The following NOL12 variants were observed in gnomAD, a reference collection of about 807,000 sequenced individuals.
NOL12 encodes nucleolar protein 12.
A neutral mutation model predicts 25.2 loss-of-function variants in NOL12; 21 were observed. That is an observed-to-expected ratio of 0.83 (90% CI 0.59 to 1.20). The LOEUF (loss-of-function observed/expected upper bound fraction) is 1.20, where lower values mean the gene tolerates loss of function less well. Ranked by LOEUF, NOL12 falls within the 50% of genes most tolerant of loss-of-function variation. The pLI, the probability that NOL12 is intolerant of heterozygous loss-of-function variation, is 0.00. For missense variants in NOL12, 286 were observed against 287.6 expected (o/e 0.99, Z 0.04); for synonymous variants, 133 against 113.8 (o/e 1.17, Z -1.08).
chr22:37,686,398 C>A lies in NOL12; in HGVS notation c.6C>A (p.Gly2=). The change falls in exon 1 of 6, where the codon GGC becomes GGA. Residue 2 remains glycine (G), a synonymous_variant. Coordinates refer to ENST00000359114, the MANE Select transcript of NOL12 (RefSeq NM_024313.3). M[G]RNKKKKRDGD... ...AAGCCGGCGGCCTCACTGCTATGGG[C>A]CGCAACAAGAAGAAGAAGCGAGATG... The A allele has an allele frequency of 7.5e-6, 12 of 1,603,254 alleles. No individual in the cohort carries two copies. Among genetic ancestry groups the A allele is most frequent in the Non-Finnish European group, 1.0e-5 (12 of 1,176,232 alleles).
intron 1 of NOL12, chr22:37,686,876 G>T (rs1307333205): frequency 2.0e-6 from 2 of 985,362 alleles, no homozygotes; most frequent in African/African-American, 3.5e-5. Flanking sequence ...CCTTTGGTGT[G>T]CCAGGTCCCG....
rs192663816 is a variant in NOL12, at chr22:37,690,828, C to G, written c.479+34C>G. 3,242 of 1,512,520 alleles carry G rather than the reference C, an allele frequency of 2.1e-3. 4 individuals are homozygous for G. The highest frequency in any genetic ancestry group is 2.7e-3 in the Non-Finnish European group (2,994 of 1,091,316). 93.7% of individuals were successfully genotyped at this position (1,512,520 alleles called of 1,614,324 possible). On this transcript the variant is annotated intron_variant, in intron 5 of 5. Transcript: ENST00000359114. The stretch of plus-strand genomic sequence containing the variant: ...TGGCCTGCTGCCTCCCCGGTCCCAC[C>G]CCTCCTGGCTGGCAGTAGTGACCTG...
intron 1 of NOL12, among the ~76,000 whole-genome samples, chr22:37,687,526 C>G (rs894274617): frequency 3.3e-5 from 5 of 152,078 alleles, no homozygotes; most frequent in Admixed American, 2.0e-4. Flanking sequence ...GGCATGATCT[C>G]GGCTCACTGC....
chr22:37,692,920 C>T lies in NOL12; in HGVS notation c.*1584C>T. On this transcript the variant is annotated 3_prime_UTR_variant, in exon 6 of 6. Transcript: ENST00000359114. ...GCTGGTGGGAGTCTGAGGGCTGCAC[C>T]CGGGTATGGTGAGTTCCCCTCAGGG... is the stretch of plus-strand genomic sequence containing the variant. The T allele has an allele frequency of 2.6e-6, 1 of 390,968 alleles. No homozygotes were observed. Among genetic ancestry groups the T allele is most frequent in the Non-Finnish European group, 4.5e-6 (1 of 221,532 alleles). 24.2% of individuals were successfully genotyped at this position (390,968 alleles called of 1,614,324 possible).
At position 37,687,910 on chromosome 22, in the gene NOL12, G is replaced by T; in HGVS notation, c.84G>T (p.Arg28=). 2 of 1,568,994 alleles carry T rather than the reference G, an allele frequency of 1.3e-6. No homozygotes were observed. Among genetic ancestry groups the T allele is most frequent in the Non-Finnish European group, 1.7e-6 (2 of 1,157,058 alleles). The part of the protein sequence containing the change: ...LVLSFDEEKR[R]EYLTGFHKRK... ...GTCTCTGCCGGCTTCCTTCCTGTAG[G>T]GAGTACCTGACAGGCTTCCACAAGC... Residue 28 remains arginine (R), a splice_region_variant and synonymous_variant, in exon 2 of 6, where the codon CGG becomes CGT. Transcript: ENST00000359114.
In NOL12 at chr22:37,688,024, G is replaced by T. The variant is rs773325889; in HGVS notation, c.189+9G>T. ...GGAAGCTTCGGGAGGAGGTACGCAG[G>T]GGGAAGGTGGGAGGGAGGTCTTTGA... On this transcript the variant is annotated intron_variant, in intron 2 of 5. Transcript: ENST00000359114. 2 of 1,543,402 alleles carry T rather than the reference G, an allele frequency of 1.3e-6. No individual in the cohort carries two copies. Among genetic ancestry groups the T allele is most frequent in the African/African-American group, 2.7e-5 (2 of 73,212 alleles).
chr22:37,687,008 A>C (rs1238353941), intron 1 of NOL12: 1 of 985,284 alleles, frequency 1.0e-6, no homozygotes. Context: ...AGCAGCTAGC[A>C]CTGTGGAGAT....
chr22:37,690,101 G>T (rs1170311208), intron 4 of NOL12, among the ~76,000 whole-genome samples: 1 of 152,212 alleles, frequency 6.6e-6, no homozygotes, highest in Non-Finnish European at 1.5e-5. Context: ...AACCTGGGAG[G>T]TGGAGGTTGT....
intron 4 of NOL12, among the ~76,000 whole-genome samples, chr22:37,689,705 G>T (rs1344129810): frequency 2.0e-5 from 3 of 152,202 alleles, no homozygotes; most frequent in Non-Finnish European, 2.9e-5. Flanking sequence ...GTGTTCTTAA[G>T]TCCTGGAGCC....
chr22:37,688,932 G>A lies in NOL12; in HGVS notation c.321G>A (p.Val107=), dbSNP rs1450237250. 6.2e-7 allele frequency: 1 copy of A among 1,613,938 alleles called. No individual in the cohort carries two copies. Among genetic ancestry groups the A allele is most frequent in the Non-Finnish European group, 8.5e-7 (1 of 1,179,974 alleles). Residue 107 remains valine, a synonymous_variant, in exon 4 of 6, where the codon GTG becomes GTA. Coordinates refer to ENST00000359114, the MANE Select transcript of NOL12 (RefSeq NM_024313.3). ...ACCACCCCAACCACACAGTCACCGT[G>A]ACCACCATCAGTGACCTGGACCTCT... is the stretch of plus-strand genomic sequence containing the variant. The part of the protein sequence containing the change: ...QYDHPNHTVT[V]TTISDLDLSG...
chr22:37,686,555 G>C, intron 1 of NOL12, 80 bp downstream of exon 1: 8 of 1,433,210 alleles, frequency 5.6e-6, no homozygotes, highest in Non-Finnish European at 7.3e-6. Context: ...GCACGCTCCC[G>C]CCGGGGGCTC....
chr22:37,686,346 A>T lies in NOL12; in HGVS notation c.-47A>T. ...GTGCGCCCGGGAGGATGAGTACGCT[A>T]CACCCGGAAGTGTCTTCAGGGAGAG... On this transcript the variant is annotated 5_prime_UTR_variant, in exon 1 of 6. Coordinates refer to ENST00000359114, the MANE Select transcript of NOL12 (RefSeq NM_024313.3). The T allele has an allele frequency of 6.5e-7, 1 of 1,546,084 alleles. No individual in the cohort carries two copies. The highest frequency in any genetic ancestry group is 2.4e-5 in the East Asian group (1 of 41,050).
Position 37,691,235 on chromosome 22 carries a change from C to T in NOL12, c.541C>T (p.Pro181Ser), listed in dbSNP as rs1486192182. 2 of 1,614,104 alleles carry T rather than the reference C, an allele frequency of 1.2e-6. No individual in the cohort carries two copies. The highest frequency in any genetic ancestry group is 1.1e-5 in the South Asian group (1 of 91,068). Residue 181 changes from proline (P) to serine (S), a missense_variant, in exon 6 of 6, where the codon CCC becomes TCC. Physicochemically the swap from Pro to Ser is moderately conservative, Grantham distance 74. Transcript: ENST00000359114. ...CCGCAAAAAGGTCAAGAGGAAACATCCCCGACGGGCCCAGGACTCCAAAAA... is the reference window on the plus strand; with the variant it reads ...CCGCAAAAAGGTCAAGAGGAAACATTCCCGACGGGCCCAGGACTCCAAAAA... ...HSRKKVKRKHPRRAQDSKKPP... is the reference protein window; with the variant it reads ...HSRKKVKRKHSRRAQDSKKPP...
intron 1 of NOL12, chr22:37,686,843 G>A (rs1921837419): frequency 1.0e-6 from 1 of 985,408 alleles, no homozygotes; most frequent in East Asian, 1.1e-4. Context: ...TCATTCATTC[G>A]CTCCCTAGAC....
In NOL12 at chr22:37,688,844, C is replaced by G. The variant is rs1921937107; in HGVS notation, c.239-6C>G. On this transcript the variant is annotated splice_polypyrimidine_tract_variant and splice_region_variant and intron_variant, in intron 3 of 5. Coordinates refer to ENST00000359114, the MANE Select transcript of NOL12 (RefSeq NM_024313.3). Reference sequence around the variant, plus strand: ...ACTGAGACCAGGTCTGTGTCCACCCCCACAGAGGAGGCAGATGAGCTGGAC... The same window carrying G: ...ACTGAGACCAGGTCTGTGTCCACCCGCACAGAGGAGGCAGATGAGCTGGAC... The G allele has an allele frequency of 6.2e-7, 1 of 1,613,904 alleles. No individual in the cohort carries two copies. The highest frequency in any genetic ancestry group is 8.5e-7 in the Non-Finnish European group (1 of 1,179,906).
intron 4 of NOL12, 97 bp downstream of exon 4, chr22:37,689,089 C>T (rs1601606925): frequency 5.7e-6 from 8 of 1,407,186 alleles, no homozygotes; most frequent in Non-Finnish European, 7.9e-6. Context: ...TATCCCACTG[C>T]CAGCCCTGGG....
rs577458890 is a variant in NOL12 at position 37,692,745 on chromosome 22, C to T, written c.*1409C>T. 5.5e-4 allele frequency: 220 copies of T among 399,172 alleles called. No homozygotes were observed. Among genetic ancestry groups the T allele is most frequent in the African/African-American group, 3.8e-3 (186 of 48,766 alleles). The allele number at this position is 399,172 out of a possible 1,614,324, so 24.7% of individuals were successfully genotyped here. ...TGGGAGCTCCTGGAGTGGGGGTGAG[C>T]AGTGAGCCAGGGTCTGCAGGGCTGT... On this transcript the variant is annotated 3_prime_UTR_variant, in exon 6 of 6. Coordinates refer to ENST00000359114, the MANE Select transcript of NOL12 (RefSeq NM_024313.3).
intron 4 of NOL12, among the ~76,000 whole-genome samples, chr22:37,689,749 C>G (rs1921984613): frequency 6.6e-6 from 1 of 152,238 alleles, no homozygotes; most frequent in Non-Finnish European, 1.5e-5. Flanking sequence ...ATCTCAGGGC[C>G]AGGCATGGTG....
Position 37,691,333 on chromosome 22 carries a change from G to A in NOL12, c.639G>A (p.Glu213=). 6.2e-7 allele frequency: 1 copy of A among 1,606,916 alleles called. No homozygotes were observed. Among genetic ancestry groups the A allele is most frequent in the South Asian group, 1.1e-5 (1 of 90,636 alleles). ...CAGGCAAAGCACGGCACAGCGGGGAGTGAGACCGAGAACGAAGCGGTGCCC... is the reference window on the plus strand; with the variant it reads ...CAGGCAAAGCACGGCACAGCGGGGAATGAGACCGAGAACGAAGCGGTGCCC... ...RLTGKARHSG[E] The change falls in exon 6 of 6, where the codon GAG becomes GAA. Residue 213 remains glutamate, a synonymous_variant. Transcript: ENST00000359114.
Sources: allele counts gnomAD v4.1 joint callset (sites outside exome capture counted in the v4.1 genomes callset), GRCh38; gene constraint gnomAD v4.1.1; transcripts MANE v1.5; gene names NCBI Gene and HGNC (gene_info 2026-07-23, HGNC 2026-07-21).